PPARA: variants seen among roughly 807,000 people sequenced by gnomAD.
PPARA encodes the protein peroxisome proliferator activated receptor alpha, also known as peroxisome proliferator-activated receptor alpha.
PPARA carries 22 observed loss-of-function variants against 42.2 expected under a neutral mutation model. The ratio of observed to expected loss-of-function variants is 0.52; its 90% CI spans 0.37 to 0.74. The LOEUF is 0.74. Among genes scored for constraint, PPARA ranks in the 30% least tolerant of loss-of-function variants. The pLI, the probability that PPARA is intolerant of heterozygous loss-of-function variation, is 0.00. For synonymous variants in PPARA, 242 were observed against 239.3 expected (o/e 1.01, Z -0.10); for missense variants, 465 against 608.2 (o/e 0.76, Z 2.48).
rs915369829 is a variant in PPARA, at chr22:46,190,935, A to G, written c.-42-7407A>G. Among the ~76,000 whole-genome samples, 4 of 152,216 alleles carry G rather than the reference A, an allele frequency of 2.6e-5. No homozygotes were observed. The highest frequency in any genetic ancestry group is 7.2e-5 in the African/African-American group (3 of 41,450). On this transcript the variant is annotated intron_variant, in intron 3 of 8. Coordinates refer to ENST00000407236, the MANE Select transcript of PPARA (RefSeq NM_005036.6). The surrounding 1 kb of genome is among the most constrained non-coding windows in gnomAD (Gnocchi z 5.6). ...GCTGGGCACAGTGGCTCATGCCTGT[A>G]ATCCCAGCACTTTGGGAGGCCGAGG...
rs774094733 is a variant in PPARA at position 46,187,494 on chromosome 22, G to C, written c.-43+10658G>C. Among the ~76,000 whole-genome samples the C allele has an allele frequency of 2.0e-5, 3 of 152,148 alleles. No individual in the cohort carries two copies. The highest frequency in any genetic ancestry group is 2.9e-5 in the Non-Finnish European group (2 of 68,026). On this transcript the variant is annotated intron_variant, in intron 3 of 8. Transcript: ENST00000407236. The surrounding 1 kb of genome is among the most constrained non-coding windows in gnomAD (Gnocchi z 4.9). ...CTCCTGCCTCTTGTGTCATTACCCAGGGCTGTCACCATCTTTTCTTGGGAC... is the reference window on the plus strand; with the variant it reads ...CTCCTGCCTCTTGTGTCATTACCCACGGCTGTCACCATCTTTTCTTGGGAC...
rs1222319988 is a variant in PPARA, at chr22:46,160,960, T to TA, written c.-127+8991dup. Among the ~76,000 whole-genome samples, 53 of 152,352 alleles carry TA rather than the reference T, an allele frequency of 3.5e-4. No individual in the cohort carries two copies. The highest frequency in any genetic ancestry group is 1.2e-3 in the African/African-American group (51 of 41,576). On this transcript the variant is annotated intron_variant, in intron 2 of 8. Transcript: ENST00000407236. This position sits in a 1 kb window ranked among gnomAD's most constrained non-coding sequence, Gnocchi z 4.5. ...GCTTTTTTTCCTGTTGCATTCCCTT[T>TA]ACTTAGATGAATCTAGCAAGGTTGG...
intron 5 of PPARA, among the ~76,000 whole-genome samples, chr22:46,215,802 C>T (rs1202208407): frequency 6.6e-6 from 1 of 152,088 alleles, no homozygotes; most frequent in Non-Finnish European, 1.5e-5. Context: ...ATAGATTAGC[C>T]TCTCTTTATA....
chr22:46,210,484 C>G (rs2092592267), intron 4 of PPARA, among the ~76,000 whole-genome samples: 2 of 151,594 alleles, frequency 1.3e-5, no homozygotes, highest in Non-Finnish European at 2.9e-5. Flanking sequence ...ACTCTCTCAC[C>G]CAGGCTGTAG....
intron 5 of PPARA, 22 bp downstream of exon 5, chr22:46,215,355 G>A (rs200656207): frequency 4.3e-4 from 686 of 1,613,928 alleles, no homozygotes; most frequent in Non-Finnish European, 5.5e-4. Context: ...CTGGAACAGG[G>A]CCTGGTGGCC....
chr22:46,152,502 A>G (rs756912314), intron 2 of PPARA, among the ~76,000 whole-genome samples: 18 of 152,170 alleles, frequency 1.2e-4, no homozygotes, highest in Admixed American at 1.0e-3. Flanking sequence ...CGTGGCAGGC[A>G]TGTTTTGTAT....
At position 46,185,960 on chromosome 22, in the gene PPARA, T is replaced by TAC. The variant is rs1379937794; in HGVS notation, c.-43+9125_-43+9126insCA. Among the ~76,000 whole-genome samples, 264 of 42,876 alleles carry TAC rather than the reference T, an allele frequency of 6.2e-3. 16 individuals are homozygous for TAC. Among genetic ancestry groups the TAC allele is most frequent in the Non-Finnish European group, 8.1e-3 (183 of 22,504 alleles). The allele number at this position is 42,876 out of a possible 152,430, so 28.1% of individuals were successfully genotyped here. A position where few individuals can be genotyped will look rare whatever the true frequency, so the allele number is the denominator to read the frequency against. On this transcript the variant is annotated intron_variant, in intron 3 of 8. Transcript: ENST00000407236. ...ATATATATATATATATATATATATATATATACACACACACTAACCTTCAGC... is the reference window on the plus strand; with the variant it reads ...ATATATATATATATATATATATATATACATATACACACACACTAACCTTCAGC...
chr22:46,172,442 A>G (rs895761369), intron 2 of PPARA, among the ~76,000 whole-genome samples: 1 of 152,198 alleles, frequency 6.6e-6, no homozygotes, highest in Non-Finnish European at 1.5e-5. Context: ...CAGCCTAGCC[A>G]ACATGGTGAA....
intron 7 of PPARA, among the ~76,000 whole-genome samples, chr22:46,229,925 C>T (rs1165906839): frequency 6.6e-6 from 1 of 152,214 alleles, no homozygotes; most frequent in Non-Finnish European, 1.5e-5. Flanking sequence ...GCCCTGAAGA[C>T]AGTTTTGTGC....
chr22:46,197,851 C>T (rs1932465981), intron 3 of PPARA, among the ~76,000 whole-genome samples: 1 of 151,630 alleles, frequency 6.6e-6, no homozygotes, highest in Admixed American at 6.6e-5. Flanking sequence ...TTGCAGTGAG[C>T]TGAGATCGCA....
chr22:46,179,046 C>T (rs1569201582), intron 3 of PPARA, among the ~76,000 whole-genome samples: 1 of 152,202 alleles, frequency 6.6e-6, no homozygotes, highest in Non-Finnish European at 1.5e-5. Context: ...TGGATCGTGA[C>T]ATGAAGCAAG....
In PPARA at chr22:46,235,369, G is replaced by C; in HGVS notation, c.1396G>C (p.Asp466His). The change falls in exon 9 of 9, where the codon GAC (aspartate) becomes CAC (histidine). Residue 466 changes from aspartate (D) to histidine (H), a missense_variant. Transcript: ENST00000407236. This position sits in a 1 kb window ranked among gnomAD's most constrained non-coding sequence, Gnocchi z 7.0. ...LHPLLQEIYR[D>H]MY ...CCCGCTACTGCAGGAGATCTACAGGGACATGTACTGAGTTCCTTCAGATCA... is the reference window on the plus strand; with the variant it reads ...CCCGCTACTGCAGGAGATCTACAGGCACATGTACTGAGTTCCTTCAGATCA... 1 of 1,613,778 alleles carries C rather than the reference G, an allele frequency of 6.2e-7. No individual in the cohort carries two copies.
rs1932224179 is a variant in PPARA at position 46,196,276 on chromosome 22, T to C, written c.-42-2066T>C. On this transcript the variant is annotated intron_variant, in intron 3 of 8. Coordinates refer to ENST00000407236, the MANE Select transcript of PPARA (RefSeq NM_005036.6). This position sits in a 1 kb window ranked among gnomAD's most constrained non-coding sequence, Gnocchi z 5.6. ...CTTTGCTAGTTGAAATAGCCTACCA[T>C]TGTCTGGGACTCACCCAGTTAGATT... 1.3e-5 allele frequency among the ~76,000 whole-genome samples: 2 copies of C among 152,312 alleles called. No homozygotes were observed. Among genetic ancestry groups the C allele is most frequent in the South Asian group, 4.1e-4 (2 of 4,824 alleles).
rs1934041050 is a variant in PPARA at position 46,212,525 on chromosome 22, G to A, written c.209-2648G>A. ...TGAATTTGAAATCATATAGTATGTA[G>A]CCTTTTCAGACTGACTTCTTTCATA... On this transcript the variant is annotated intron_variant, in intron 4 of 8. Transcript: ENST00000407236. The surrounding 1 kb of genome is among the most constrained non-coding windows in gnomAD (Gnocchi z 4.2). 6.6e-6 allele frequency among the ~76,000 whole-genome samples: 1 copy of A among 152,110 alleles called. No individual in the cohort carries two copies. Among genetic ancestry groups the A allele is most frequent in the African/African-American group, 2.4e-5 (1 of 41,406 alleles).
rs1305385281 is a variant in PPARA at position 46,211,687 on chromosome 22, CTCTT to C, written c.209-3481_209-3478del. 6.6e-6 allele frequency among the ~76,000 whole-genome samples: 1 copy of C among 152,156 alleles called. No individual in the cohort carries two copies. Among genetic ancestry groups the C allele is most frequent in the African/African-American group, 2.4e-5 (1 of 41,434 alleles). On this transcript the variant is annotated intron_variant, in intron 4 of 8. Coordinates refer to ENST00000407236, the MANE Select transcript of PPARA (RefSeq NM_005036.6). The surrounding 1 kb of genome is among the most constrained non-coding windows in gnomAD (Gnocchi z 4.1). ...ATCCACCACTACATTTTCCTTCTCTCTCTTTCTTGCTTTCTCGCCTTCTTGTCTT... is the reference window on the plus strand; with the variant it reads ...ATCCACCACTACATTTTCCTTCTCTCTCTTGCTTTCTCGCCTTCTTGTCTT...
rs16994976 is a variant in PPARA, at chr22:46,191,566, C to G, written c.-42-6776C>G. 0.02 allele frequency among the ~76,000 whole-genome samples: 3,037 copies of G among 151,818 alleles called. 55 individuals are homozygous for G. The highest frequency in any genetic ancestry group is 0.045 in the Middle Eastern group (13 of 292). ...AAATTCACTCTGCAAATTAGATCAC[C>G]TTTCCCACGCAGAGTCCCTTTGACT... On this transcript the variant is annotated intron_variant, in intron 3 of 8. Transcript: ENST00000407236. The surrounding 1 kb of genome is among the most constrained non-coding windows in gnomAD (Gnocchi z 4.6).
chr22:46,170,299 A>AGT (rs1189544860), intron 2 of PPARA, among the ~76,000 whole-genome samples: 1 of 149,462 alleles, frequency 6.7e-6, no homozygotes, highest in African/African-American at 2.5e-5. Context: ...CCCAGGCTGG[A>AGT]GTGCAGTGGT....
rs1041629198 is a variant in PPARA at position 46,241,447 on chromosome 22, G to T, written c.*6067G>T. ...TTAATTACATAATGATTTCCATTAC[G>T]CTATTTCTGTGAAATGCAGCAGGTT... On this transcript the variant is annotated 3_prime_UTR_variant, in exon 9 of 9. Transcript: ENST00000407236. This position sits in a 1 kb window ranked among gnomAD's most constrained non-coding sequence, Gnocchi z 5.7. 1 of 152,104 alleles carries T rather than the reference G, an allele frequency of 6.6e-6. No individual in the cohort carries two copies. The allele number at this position is 152,104 out of a possible 1,614,324, so 9.4% of individuals were successfully genotyped here.
chr22:46,207,900 C>G (rs1933549942), intron 4 of PPARA, among the ~76,000 whole-genome samples: 1 of 151,110 alleles, frequency 6.6e-6, no homozygotes, highest in Non-Finnish European at 1.5e-5. Flanking sequence ...GACCAGGCTC[C>G]TCTCGAACTC....
Sources: gnomAD v4.1 joint callset for allele counts (sites outside exome capture counted in the v4.1 genomes callset) on GRCh38, gnomAD v4.1.1 for gene constraint, Gnocchi (gnomAD v3.1) non-coding constraint, MANE v1.5 for transcripts, NCBI Gene and HGNC (gene_info 2026-07-23, HGNC 2026-07-21) for gene names.